The following GADL1 variants were observed in gnomAD, a reference collection of about 807,000 sequenced individuals.
GADL1 encodes acidic amino acid decarboxylase GADL1.
A neutral mutation model predicts 69.5 loss-of-function variants in GADL1; 71 were observed. That is an observed-to-expected ratio of 1.02 (90% CI 0.84 to 1.25). The LOEUF is 1.25. Among genes scored for constraint, GADL1 ranks in the 50% most tolerant of loss-of-function variants. The pLI, the probability that GADL1 is intolerant of heterozygous loss-of-function variation, is 0.00. For missense variants in GADL1, 737 were observed against 631.8 expected (o/e 1.17, Z -1.79); for synonymous variants, 254 against 214.4 (o/e 1.18, Z -1.62).
At chr3:30,767,735 A>AT (rs1231138553) in intron 14 of GADL1, among the ~76,000 whole-genome samples, 2 of 152,112 alleles carry the variant, frequency 1.3e-5, no homozygotes, top group East Asian at 1.9e-4. Context: ...ATTTGAATAC[A>AT]TAAAAAATTT....
intron 1 of GADL1, among the ~76,000 whole-genome samples, chr3:30,863,632 T>A (rs1698354671): frequency 6.6e-6 from 1 of 151,996 alleles, no homozygotes; most frequent in South Asian, 2.1e-4. Flanking sequence ...ACAGAAACAA[T>A]TTTTAAAGTA....
intron 14 of GADL1, among the ~76,000 whole-genome samples, chr3:30,744,250 C>A (rs1490952443): frequency 6.6e-6 from 1 of 152,080 alleles, no homozygotes; most frequent in African/African-American, 2.4e-5. Flanking sequence ...GTATTCAAAG[C>A]CCCCAAACCC....
chr3:30,889,731 GAGTT>G (rs1698761934), intron 1 of GADL1, among the ~76,000 whole-genome samples: 1 of 152,146 alleles, frequency 6.6e-6, no homozygotes, highest in South Asian at 2.1e-4. Context: ...TGTTCAAAAA[GAGTT>G]AGAGGAGGGC....
chr3:30,867,877 A>G (rs1307589661), intron 1 of GADL1, among the ~76,000 whole-genome samples: 6 of 152,190 alleles, frequency 3.9e-5, no homozygotes, highest in South Asian at 2.1e-4. Flanking sequence ...AATATGCTGA[A>G]TGTAAACAAT....
At chr3:30,765,166 G>A (rs1443097539) in intron 14 of GADL1, among the ~76,000 whole-genome samples, 3 of 152,126 alleles carry the variant, frequency 2.0e-5, no homozygotes, top group Non-Finnish European at 2.9e-5. Context: ...CCATCAAAAT[G>A]TTCATCTCCC....
At chr3:30,733,922 A>G (rs1047320877) in intron 14 of GADL1, among the ~76,000 whole-genome samples, 3 of 152,232 alleles carry the variant, frequency 2.0e-5, no homozygotes, top group African/African-American at 7.2e-5. Context: ...GCTCCAATGC[A>G]GTGGCTATCT....
At chr3:30,844,625 T>C (rs1322942252) in intron 6 of GADL1, among the ~76,000 whole-genome samples, 159 bp from the exon 7 acceptor site, 2 of 152,206 alleles carry the variant, frequency 1.3e-5, no homozygotes, top group African/African-American at 4.8e-5. Flanking sequence ...GCATAGTGGT[T>C]GAGAACATTC....
intron 13 of GADL1, among the ~76,000 whole-genome samples, chr3:30,785,314 C>G (rs1696764333): frequency 1.3e-5 from 2 of 151,812 alleles, no homozygotes; most frequent in Non-Finnish European, 2.9e-5. Flanking sequence ...TGCCTAGAAC[C>G]ATGCATGACA....
chr3:30,892,158 CCT>C, intron 1 of GADL1, among the ~76,000 whole-genome samples: 1 of 152,134 alleles, frequency 6.6e-6, no homozygotes, highest in East Asian at 1.9e-4. Context: ...ATTGCTTAAA[CCT>C]CTCTTGCATG....
At chr3:30,867,437 T>TATATATATAC (rs1698419651) in intron 1 of GADL1, among the ~76,000 whole-genome samples, 1 of 144,002 alleles carries the variant, frequency 6.9e-6, no homozygotes, top group African/African-American at 2.7e-5. Flanking sequence ...TATATATATA[T>TATATATATAC]ATACACATAT....
At chr3:30,763,303 C>T (rs972661733) in intron 14 of GADL1, among the ~76,000 whole-genome samples, 20 of 151,990 alleles carry the variant, frequency 1.3e-4, no homozygotes, top group Non-Finnish European at 1.6e-4. Context: ...TTGAGACCAT[C>T]CTGGCTAACA....
At chr3:30,776,673 C>T (rs146200534) in intron 14 of GADL1, among the ~76,000 whole-genome samples, 6 of 152,280 alleles carry the variant, frequency 3.9e-5, no homozygotes, top group African/African-American at 1.4e-4. Context: ...TAAAAGGACA[C>T]GCTGCCAAGT....
intron 14 of GADL1, among the ~76,000 whole-genome samples, chr3:30,730,471 C>T (rs2125468158): frequency 6.6e-6 from 1 of 152,230 alleles, no homozygotes; most frequent in South Asian, 2.1e-4. Flanking sequence ...TGTCTGAGTA[C>T]TTACTTCACC....
chr3:30,750,364 A>C (rs966938993), intron 14 of GADL1, among the ~76,000 whole-genome samples: 2 of 152,212 alleles, frequency 1.3e-5, no homozygotes, highest in African/African-American at 4.8e-5. Flanking sequence ...ACGCACCAAC[A>C]GTCTATCTCA....
chr3:30,743,530 T>C (rs1367368410), intron 14 of GADL1, among the ~76,000 whole-genome samples: 1 of 152,114 alleles, frequency 6.6e-6, no homozygotes, highest in Non-Finnish European at 1.5e-5. Context: ...AACACACGTA[T>C]GGAAGACAAG....
At chr3:30,754,904 TTATTCAGTAAC>T (rs1695932104) in intron 14 of GADL1, among the ~76,000 whole-genome samples, 1 of 87,108 alleles carries the variant, frequency 1.1e-5, no homozygotes, top group Non-Finnish European at 2.9e-5. Context: ...GATTTTTAAA[TTATTCAGTAAC>T]TTGATAATAA....
intron 12 of GADL1, among the ~76,000 whole-genome samples, 163 bp from the exon 13 acceptor site, chr3:30,786,569 A>G (rs946040335): frequency 6.6e-6 from 1 of 152,206 alleles, no homozygotes; most frequent in African/African-American, 2.4e-5. Flanking sequence ...CTCCAGACCT[A>G]CTGTAATTTC....
At chr3:30,790,813 A>G (rs995739229) in intron 12 of GADL1, among the ~76,000 whole-genome samples, 2 of 152,176 alleles carry the variant, frequency 1.3e-5, no homozygotes, top group African/African-American at 4.8e-5. Flanking sequence ...CATACAAAAT[A>G]ACTAGAAACA....
chr3:30,806,842 G>T (rs956333402), intron 11 of GADL1, among the ~76,000 whole-genome samples: 1 of 152,204 alleles, frequency 6.6e-6, no homozygotes, highest in Non-Finnish European at 1.5e-5. Flanking sequence ...ATCTAGAGTA[G>T]CCAAGTCACC....
Sources: gnomAD v4.1 joint callset for allele counts (sites outside exome capture counted in the v4.1 genomes callset) on GRCh38, gnomAD v4.1.1 for gene constraint, MANE v1.5 for transcripts, NCBI Gene and HGNC (gene_info 2026-07-23, HGNC 2026-07-21) for gene names.